LIN52: variants seen among roughly 807,000 people sequenced by gnomAD.
LIN52 encodes the protein protein lin-52 homolog.
A neutral mutation model predicts 18.5 loss-of-function variants in LIN52; 4 were observed. The observed-to-expected ratio is 0.22, with a 90% CI of 0.11 to 0.49. The LOEUF (loss-of-function observed/expected upper bound fraction) is 0.49, where lower values mean the gene tolerates loss of function less well. Ranked by LOEUF, LIN52 falls within the 20% of genes least tolerant of loss-of-function variation. The pLI is 0.97. For missense variants in LIN52, 102 were observed against 139.5 expected (o/e 0.73, Z 1.35); for synonymous variants, 34 against 45.5 (o/e 0.75, Z 1.02).
At chr14:74,142,144 C>T (rs938707758) in intron 5 of LIN52, among the ~76,000 whole-genome samples, 2 of 152,160 alleles carry the variant, frequency 1.3e-5, no homozygotes, top group African/African-American at 4.8e-5. Context: ...AATCTGTATG[C>T]AAATTGAATG....
At chr14:74,196,640 G>A (rs1014973845) in intron 5 of LIN52, among the ~76,000 whole-genome samples, 1 of 152,098 alleles carries the variant, frequency 6.6e-6, no homozygotes, top group Non-Finnish European at 1.5e-5. Flanking sequence ...CAAGCTGAGG[G>A]AAAAGATTCC....
intron 5 of LIN52, among the ~76,000 whole-genome samples, chr14:74,197,255 C>G (rs2078918708): frequency 6.6e-6 from 1 of 152,194 alleles, no homozygotes; most frequent in Admixed American, 6.5e-5. Flanking sequence ...AACACTTACT[C>G]AGCAGACACT....
intron 5 of LIN52, among the ~76,000 whole-genome samples, chr14:74,194,603 C>T (rs2078898777): frequency 6.6e-6 from 1 of 152,192 alleles, no homozygotes; most frequent in Non-Finnish European, 1.5e-5. Context: ...CCTCTCCACA[C>T]TCTGCAGCAT....
rs1216241463 is a variant in LIN52 at position 74,139,941 on chromosome 14, T to A, written c.283+38703T>A. On this transcript the variant is annotated intron_variant, in intron 5 of 5. Coordinates refer to ENST00000555028, the MANE Select transcript of LIN52 (RefSeq NM_001024674.3). ...TGATATTTAGAAGTTAAAGGCAGTC[T>A]ATGGTTTAATGTAATAAAACATGCT... Among the ~76,000 whole-genome samples the A allele has an allele frequency of 9.2e-5, 14 of 152,194 alleles. 1 individual carries two copies. Among genetic ancestry groups the A allele is most frequent in the Admixed American group, 9.2e-4 (14 of 15,284 alleles).
intron 5 of LIN52, among the ~76,000 whole-genome samples, chr14:74,129,296 G>A (rs902732357): frequency 1.3e-5 from 2 of 152,276 alleles, no homozygotes; most frequent in South Asian, 2.1e-4. Flanking sequence ...TCAATGCCAC[G>A]ATAGAAGATG....
At chr14:74,171,933 TTTTGCCATA>T (rs1373232601) in intron 5 of LIN52, among the ~76,000 whole-genome samples, 1 of 152,010 alleles carries the variant, frequency 6.6e-6, no homozygotes, top group Non-Finnish European at 1.5e-5. Context: ...GGATATGGGA[TTTTGCCATA>T]TTGGCCAGGC....
intron 5 of LIN52, among the ~76,000 whole-genome samples, chr14:74,103,733 GTTTTTTTTTTTTTTTTTTTTTTTTT>G (rs573188668): frequency 2.2e-5 from 1 of 46,024 alleles, no homozygotes; most frequent in Non-Finnish European, 4.0e-5. Context: ...GGCCTGGCCA[GTTTTTTTTTTTTTTTTTTTTTTTTT>G]TTTTTTTTTT....
intron 5 of LIN52, among the ~76,000 whole-genome samples, chr14:74,193,195 T>C (rs1555385392): frequency 7.2e-6 from 1 of 138,886 alleles, no homozygotes; most frequent in East Asian, 2.0e-4. Context: ...TAAAAATCAA[T>C]AACAAAAAAT....
intron 5 of LIN52, among the ~76,000 whole-genome samples, chr14:74,198,012 G>A (rs1023869363): frequency 9.9e-5 from 15 of 152,176 alleles, no homozygotes; most frequent in Admixed American, 9.8e-4. Context: ...CCTACTGCAT[G>A]GTTCCAGAAG....
At chr14:74,146,748 GA>G (rs2061153853) in intron 5 of LIN52, among the ~76,000 whole-genome samples, 1 of 152,144 alleles carries the variant, frequency 6.6e-6, no homozygotes, top group African/African-American at 2.4e-5. Flanking sequence ...GAACAAAGTT[GA>G]AGGACTTACA....
chr14:74,185,305 A>ATTTATT (rs1595190900), intron 5 of LIN52, among the ~76,000 whole-genome samples: 1 of 75,264 alleles, frequency 1.3e-5, no homozygotes, highest in African/African-American at 5.0e-5. Flanking sequence ...TTTTATAATG[A>ATTTATT]TTTCTTTTTT....
chr14:74,173,901 A>C (rs989399761), intron 5 of LIN52, among the ~76,000 whole-genome samples: 1 of 152,238 alleles, frequency 6.6e-6, no homozygotes, highest in Admixed American at 6.5e-5. Flanking sequence ...TTCTCTTGCG[A>C]GAACAAAGCC....
intron 5 of LIN52, among the ~76,000 whole-genome samples, chr14:74,193,570 G>T (rs1215512742): frequency 1.3e-5 from 2 of 152,198 alleles, no homozygotes; most frequent in Admixed American, 6.5e-5. Context: ...TACTCTAAAA[G>T]AAATGAATCT....
intron 3 of LIN52, 40 bp downstream of exon 3, chr14:74,096,025 T>C: frequency 1.4e-6 from 2 of 1,408,036 alleles, no homozygotes; most frequent in Non-Finnish European, 2.0e-6. Flanking sequence ...AATCCAAAGT[T>C]TCGCTCCTGA....
At chr14:74,190,818 C>T (rs140596538) in intron 5 of LIN52, among the ~76,000 whole-genome samples, 71 of 152,274 alleles carry the variant, frequency 4.7e-4, no homozygotes, top group Admixed American at 1.6e-3. Context: ...CAAGAGTGGA[C>T]GGAGAACAAT....
chr14:74,156,462 T>A (rs2061199484), intron 5 of LIN52, among the ~76,000 whole-genome samples: 2 of 152,198 alleles, frequency 1.3e-5, no homozygotes, highest in Non-Finnish European at 2.9e-5. Context: ...CACAGTTACT[T>A]CTTTTCTTTG....
At chr14:74,148,152 A>T (rs1012131002) in intron 5 of LIN52, among the ~76,000 whole-genome samples, 1 of 152,060 alleles carries the variant, frequency 6.6e-6, no homozygotes, top group African/African-American at 2.4e-5. Flanking sequence ...GTGATTTTAT[A>T]TTCCACTTTC....
chr14:74,169,435 A>G (rs1025945029), intron 5 of LIN52, among the ~76,000 whole-genome samples: 2 of 151,784 alleles, frequency 1.3e-5, no homozygotes, highest in African/African-American at 4.8e-5. Context: ...CTTCAGCCTT[A>G]TTTCCATGTT....
chr14:74,197,249 C>T (rs1266164609), intron 5 of LIN52, among the ~76,000 whole-genome samples: 1 of 152,204 alleles, frequency 6.6e-6, no homozygotes, highest in Admixed American at 6.5e-5. Flanking sequence ...CCAGTCAACA[C>T]TTACTCAGCA....
Sources: allele counts gnomAD v4.1 joint callset (sites outside exome capture counted in the v4.1 genomes callset), GRCh38; gene constraint gnomAD v4.1.1; transcripts MANE v1.5; gene names NCBI Gene and HGNC (gene_info 2026-07-23, HGNC 2026-07-21).